EXOC6B: variants seen among roughly 807,000 people sequenced by gnomAD.
The protein encoded by EXOC6B is exocyst complex component 6B, also known as SEC15 homolog B.
EXOC6B carries 54 observed loss-of-function variants against 113.5 expected under a neutral mutation model. That is an observed-to-expected ratio of 0.48 (90% CI 0.38 to 0.60). The LOEUF is 0.60. Among genes scored for constraint, EXOC6B ranks in the 20% least tolerant of loss-of-function variants. EXOC6B has a pLI of 0.00. For missense variants in EXOC6B, 797 were observed against 977.5 expected, an observed-to-expected ratio of 0.82 and a Z score of 2.46; for synonymous variants, 357 against 339.0, an observed-to-expected ratio of 1.05 and a Z score of -0.58.
chr2:72,324,080 G>C (rs1687994288), intron 20 of EXOC6B, among the ~76,000 whole-genome samples: 1 of 151,768 alleles, frequency 6.6e-6, no homozygotes, highest in Non-Finnish European at 1.5e-5. Flanking sequence ...AGACCAGAAA[G>C]AGCCCCACAA....
At chr2:72,767,359 A>T (rs907444093) in intron 1 of EXOC6B, among the ~76,000 whole-genome samples, 2 of 152,092 alleles carry the variant, frequency 1.3e-5, no homozygotes, top group African/African-American at 4.8e-5. Context: ...TGAAACCGGG[A>T]GGCGGAGGTT....
chr2:72,194,492 C>A (rs2104297694), intron 20 of EXOC6B, among the ~76,000 whole-genome samples: 1 of 151,980 alleles, frequency 6.6e-6, no homozygotes, highest in African/African-American at 2.4e-5. Flanking sequence ...ACACAATCAA[C>A]CTTCTTTACA....
intron 18 of EXOC6B, among the ~76,000 whole-genome samples, chr2:72,460,648 T>C (rs1224800527): frequency 2.6e-5 from 4 of 151,926 alleles, no homozygotes; most frequent in Non-Finnish European, 4.4e-5. Flanking sequence ...CAAATCAAAA[T>C]CACAATGAGA....
chr2:72,619,126 T>C (rs1199520035), intron 6 of EXOC6B, among the ~76,000 whole-genome samples: 1 of 151,782 alleles, frequency 6.6e-6, no homozygotes, highest in Admixed American at 6.6e-5. Context: ...TTACAGCCAT[T>C]CTCCTACCAC....
At chr2:72,578,374 A>G (rs1705004396) in intron 6 of EXOC6B, among the ~76,000 whole-genome samples, 1 of 152,084 alleles carries the variant, frequency 6.6e-6, no homozygotes, top group South Asian at 2.1e-4. Flanking sequence ...TACTTACCCA[A>G]TACCCTCCAA....
chr2:72,689,924 C>A (rs1475676572), intron 6 of EXOC6B, among the ~76,000 whole-genome samples: 1 of 152,178 alleles, frequency 6.6e-6, no homozygotes, highest in Non-Finnish European at 1.5e-5. Flanking sequence ...TAAGCCAAGA[C>A]AATTTGTTAT....
chr2:72,761,864 G>A (rs1682759041), intron 1 of EXOC6B, among the ~76,000 whole-genome samples: 1 of 152,054 alleles, frequency 6.6e-6, no homozygotes, highest in Admixed American at 6.5e-5. Context: ...TGTAATCCCA[G>A]CTACTCAGGA....
At chr2:72,485,273 T>C (rs1699358676) in intron 16 of EXOC6B, among the ~76,000 whole-genome samples, 1 of 152,232 alleles carries the variant, frequency 6.6e-6, no homozygotes, top group Admixed American at 6.5e-5. Context: ...CAACTATAAA[T>C]TAATTCTGGA....
At chr2:72,473,492 C>T (rs955316883) in intron 17 of EXOC6B, among the ~76,000 whole-genome samples, 7 of 151,878 alleles carry the variant, frequency 4.6e-5, no homozygotes, top group Admixed American at 6.6e-5. Context: ...TATAGCTATG[C>T]CTGCTCATTT....
chr2:72,349,012 C>T (rs528466989), intron 19 of EXOC6B, among the ~76,000 whole-genome samples: 4 of 152,220 alleles, frequency 2.6e-5, no homozygotes, highest in Non-Finnish European at 4.4e-5. Flanking sequence ...TAGTCTCATA[C>T]TCTAAATTAA....
chr2:72,519,146 G>C (rs1701363393), intron 8 of EXOC6B, among the ~76,000 whole-genome samples: 1 of 152,170 alleles, frequency 6.6e-6, no homozygotes, highest in Non-Finnish European at 1.5e-5. Context: ...CAACAGACAT[G>C]TGCAGAGGGG....
chr2:72,692,022 C>G (rs1358405242), intron 6 of EXOC6B, among the ~76,000 whole-genome samples: 2 of 151,984 alleles, frequency 1.3e-5, no homozygotes, highest in Non-Finnish European at 1.5e-5. Context: ...CAAATACCAC[C>G]ATCTGACATA....
rs572211940 is a variant in EXOC6B, at chr2:72,214,258, C to T, written c.2197-30071G>A. On this transcript the variant is annotated intron_variant, in intron 20 of 21. Transcript: ENST00000272427. ...ATCCCAGCACTTTGGGAAGCTGAGG[C>T]GGGCGGATCATGAGGTTAGGAGACC... is the stretch of plus-strand genomic sequence containing the variant. Among the ~76,000 whole-genome samples, 148 of 120,692 alleles carry T rather than the reference C, an allele frequency of 1.2e-3. 1 individual carries two copies. The highest frequency in any genetic ancestry group is 6.5e-3 in the South Asian group (26 of 3,992). 79.2% of individuals were successfully genotyped at this position (120,692 alleles called of 152,430 possible).
At chr2:72,310,256 A>G (rs2104787106) in intron 20 of EXOC6B, among the ~76,000 whole-genome samples, 1 of 152,266 alleles carries the variant, frequency 6.6e-6, no homozygotes, top group Non-Finnish European at 1.5e-5. Context: ...CCCACCAACA[A>G]CGAATGAGGC....
At chr2:72,488,577 T>C (rs1256967349) in intron 16 of EXOC6B, among the ~76,000 whole-genome samples, 2 of 152,290 alleles carry the variant, frequency 1.3e-5, no homozygotes, top group Non-Finnish European at 2.9e-5. Flanking sequence ...ATTTTTCCTA[T>C]CTTAGTTCAT....
At chr2:72,195,231 G>GCCAAC (rs1679095628) in intron 20 of EXOC6B, among the ~76,000 whole-genome samples, 1 of 152,190 alleles carries the variant, frequency 6.6e-6, no homozygotes, top group Non-Finnish European at 1.5e-5. Context: ...AAATAAAAAT[G>GCCAAC]CCAACACCAA....
At chr2:72,804,564 A>G (rs1192923927) in intron 1 of EXOC6B, among the ~76,000 whole-genome samples, 2 of 152,100 alleles carry the variant, frequency 1.3e-5, no homozygotes, top group Admixed American at 1.3e-4. Context: ...TCTGGACCAG[A>G]TAAAATTATC....
rs537121627 is a variant in EXOC6B, at chr2:72,272,221, C to A, written c.2196+62726G>T. On this transcript the variant is annotated intron_variant, in intron 20 of 21. Coordinates refer to ENST00000272427, the MANE Select transcript of EXOC6B (RefSeq NM_015189.3). ...ACTAGGAGTTCATCTTGGATAAGTG[C>A]CCAATGTTTGCAGGACTTAGCTCAT... is the stretch of plus-strand genomic sequence containing the variant. 1.3e-4 allele frequency among the ~76,000 whole-genome samples: 20 copies of A among 152,102 alleles called. 1 individual carries two copies. Among genetic ancestry groups the A allele is most frequent in the Non-Finnish European group, 2.9e-4 (20 of 68,026 alleles).
chr2:72,601,639 T>A (rs1471396928), intron 6 of EXOC6B, among the ~76,000 whole-genome samples: 2 of 152,146 alleles, frequency 1.3e-5, no homozygotes, highest in East Asian at 1.9e-4. Context: ...TGGATCCATC[T>A]TACCATATGA....
Sources: gnomAD v4.1 joint callset for allele counts (sites outside exome capture counted in the v4.1 genomes callset) on GRCh38, gnomAD v4.1.1 for gene constraint, MANE v1.5 for transcripts, NCBI Gene and HGNC (gene_info 2026-07-23, HGNC 2026-07-21) for gene names.